MVP: variants seen among roughly 807,000 people sequenced by gnomAD.
MVP encodes lung resistance-related protein.
A neutral mutation model predicts 83.5 loss-of-function variants in MVP; 62 were observed. That is an observed-to-expected ratio of 0.74 (90% CI 0.61 to 0.92). The LOEUF (loss-of-function observed/expected upper bound fraction) is 0.92. Ranked by LOEUF, MVP falls within the 40% of genes least tolerant of loss-of-function variation. MVP has a pLI of 0.00. For synonymous variants in MVP, 505 were observed against 504.1 expected, an observed-to-expected ratio of 1.00 and a Z score of -0.02; for missense variants, 1,000 against 1,203.4, an observed-to-expected ratio of 0.83 and a Z score of 2.50.
In MVP at chr16:29,846,188, G is replaced by A. The variant is rs1261534158; in HGVS notation, c.2169G>A (p.Lys723=). Residue 723 remains lysine, a synonymous_variant, in exon 13 of 15, where the codon AAG becomes AAA. Coordinates refer to ENST00000357402, the MANE Select transcript of MVP (RefSeq NM_005115.5). ...SMAVESTGTA[K]AEAESRAEAA... ...CCGTGGAGAGCACCGGGACTGCCAA[G>A]GCGGAGGCCGAGTCCCGTGCGGAGG... 1 of 1,609,282 alleles carries A rather than the reference G, an allele frequency of 6.2e-7. No individual in the cohort carries two copies. The highest frequency in any genetic ancestry group is 8.5e-7 in the Non-Finnish European group (1 of 1,177,940).
chr16:29,822,192 T>G (rs1273127485), intron 1 of MVP, among the ~76,000 whole-genome samples: 1 of 151,534 alleles, frequency 6.6e-6, no homozygotes, highest in Non-Finnish European at 1.5e-5. Flanking sequence ...CTGGGGTCGC[T>G]TCTGATCTAG....
chr16:29,847,903 C>T lies in MVP; in HGVS notation c.2596C>T (p.Pro866Ser). 1.2e-6 allele frequency: 2 copies of T among 1,613,966 alleles called. No homozygotes were observed. Among genetic ancestry groups the T allele is most frequent in the South Asian group, 1.1e-5 (1 of 91,084 alleles). ...QPLGRRVASGPSPGEGISPQS... is the reference protein window; with the variant it reads ...QPLGRRVASGSSPGEGISPQS... ...CCTGGGCAGAAGGGTGGCCAGTGGG[C>T]CCAGCCCTGGGGAGGGGATATCCCC... The change falls in exon 15 of 15, where the codon CCC (proline) becomes TCC (serine). Residue 866 changes from proline (P) to serine (S), a missense_variant. Coordinates refer to ENST00000357402, the MANE Select transcript of MVP (RefSeq NM_005115.5).
intron 7 of MVP, among the ~76,000 whole-genome samples, chr16:29,839,435 G>A (rs1325181912): frequency 6.6e-6 from 1 of 152,062 alleles, no homozygotes; most frequent in Non-Finnish European, 1.5e-5. Context: ...ATTGTGAATT[G>A]TATACTCTAG....
Position 29,844,919 on chromosome 16 carries a change from G to A in MVP, c.2021+40G>A, listed in dbSNP as rs1209095787. On this transcript the variant is annotated intron_variant, in intron 11 of 14. Transcript: ENST00000357402. ...GAGCTCGGCTGCCTATAATGCCCAT[G>A]GCAGGCCACTGCTGGGAACTGGATA... is the stretch of plus-strand genomic sequence containing the variant. 5.0e-5 allele frequency: 78 copies of A among 1,566,122 alleles called. 1 individual carries two copies. Among genetic ancestry groups the A allele is most frequent in the Non-Finnish European group, 6.7e-5 (78 of 1,162,844 alleles).
chr16:29,841,861 G>T lies in MVP; in HGVS notation c.1436+21G>T. The stretch of plus-strand genomic sequence containing the variant: ...GCCCGGTGAGTGCTGGCAGCGCAGG[G>T]TGTAGGGGGTGGCTCTCCATGGGTC... On this transcript the variant is annotated intron_variant, in intron 9 of 14. Transcript: ENST00000357402. This position sits in a 1 kb window ranked among gnomAD's most constrained non-coding sequence, Gnocchi z 4.7. 6.2e-7 allele frequency: 1 copy of T among 1,609,232 alleles called. No individual in the cohort carries two copies. The highest frequency in any genetic ancestry group is 8.5e-7 in the Non-Finnish European group (1 of 1,179,886).
At chr16:29,844,157 GGGT>G (rs1282697207) in intron 10 of MVP, among the ~76,000 whole-genome samples, 2 of 152,210 alleles carry the variant, frequency 1.3e-5, no homozygotes, top group Non-Finnish European at 2.9e-5. Context: ...TGTAAAATGG[GGGT>G]GGTGATCATT....
At chr16:29,843,538 A>AAGGG (rs2067552376) in intron 10 of MVP, among the ~76,000 whole-genome samples, 2 of 18,834 alleles carry the variant, frequency 1.1e-4, no homozygotes, top group Non-Finnish European at 2.0e-4. Context: ...GGAAGGGAGG[A>AAGGG]AGGGAGGAAG....
Position 29,833,803 on chromosome 16 carries a change from A to T in MVP, c.392A>T (p.Asp131Val), listed in dbSNP as rs1236073486. The T allele has an allele frequency of 6.2e-7, 1 of 1,613,998 alleles. No homozygotes were observed. The highest frequency in any genetic ancestry group is 1.1e-5 in the South Asian group (1 of 91,076). ...LHLKALLDFE[D>V]KDGDKVVAGD... ...CTAAAGGCGCTGCTTGATTTTGAGG[A>T]TAAAGATGGAGACAAGGTGGTGGCA... Residue 131 changes from aspartate to valine, a missense_variant, in exon 4 of 15, where the codon GAT (aspartate) becomes GTT (valine). Asp to Val is a radical substitution (Grantham distance 152). Transcript: ENST00000357402.
At chr16:29,836,690 G>A in intron 6 of MVP, 32 bp from the exon 7 acceptor site, 1 of 1,504,936 alleles carries the variant, frequency 6.6e-7, no homozygotes. Context: ...TTGGAGGCAG[G>A]TCACTCAAAT....
intron 5 of MVP, chr16:29,834,852 A>AT (rs60147985): frequency 9.2e-4 from 116 of 126,416 alleles, no homozygotes; most frequent in Admixed American, 1.4e-3. Context: ...TGCCCAGCTA[A>AT]TTTTTTTTTT....
chr16:29,836,339 C>T (rs2067486973), intron 6 of MVP, among the ~76,000 whole-genome samples: 1 of 150,766 alleles, frequency 6.6e-6, no homozygotes, highest in African/African-American at 2.4e-5. Flanking sequence ...TTTTGGGAGG[C>T]TGAGGTGGGA....
intron 1 of MVP, among the ~76,000 whole-genome samples, chr16:29,829,454 C>CA (rs34314929): frequency 0.28 from 14,278 of 51,298 alleles, 2,010 homozygotes; most frequent in Non-Finnish European, 0.31. Context: ...GACTCCGTCT[C>CA]AAAAAAAAAA....
chr16:29,823,446 T>G (rs542712870), intron 1 of MVP, among the ~76,000 whole-genome samples: 1 of 152,180 alleles, frequency 6.6e-6, no homozygotes, highest in South Asian at 2.1e-4. Flanking sequence ...ACTTTTATTC[T>G]CACTTCACTG....
intron 6 of MVP, among the ~76,000 whole-genome samples, chr16:29,836,183 G>A (rs551687312): frequency 1.3e-5 from 2 of 150,816 alleles, no homozygotes; most frequent in South Asian, 2.1e-4. Flanking sequence ...CAGGAGAATC[G>A]CTTGAACCCC....
chr16:29,835,812 G>A lies in MVP; in HGVS notation c.672+14G>A. 1 of 1,612,064 alleles carries A rather than the reference G, an allele frequency of 6.2e-7. No homozygotes were observed. Among genetic ancestry groups the A allele is most frequent in the Non-Finnish European group, 8.5e-7 (1 of 1,179,042 alleles). ...CTTACGGAAAAGGTTGGTGCTCTGG[G>A]GGCTGTGGTTTAAGGGACCTGGGGC... On this transcript the variant is annotated intron_variant, in intron 6 of 14. Transcript: ENST00000357402.
At chr16:29,840,543 C>T in intron 8 of MVP, 84 bp downstream of exon 8, 1 of 1,455,106 alleles carries the variant, frequency 6.9e-7, no homozygotes, top group African/African-American at 1.4e-5. Context: ...AAGAGGTGGG[C>T]AGGGACTTCA....
chr16:29,842,141 C>T, intron 10 of MVP, 29 bp downstream of exon 10: 1 of 1,564,740 alleles, frequency 6.4e-7, no homozygotes, highest in Non-Finnish European at 8.6e-7. Flanking sequence ...CATGGGGGTG[C>T]ATTCCTGGAA....
intron 11 of MVP, among the ~76,000 whole-genome samples, 155 bp from the exon 12 acceptor site, chr16:29,845,708 C>A (rs993062451): frequency 6.6e-6 from 1 of 152,160 alleles, no homozygotes; most frequent in Non-Finnish European, 1.5e-5. Flanking sequence ...TGGCTTGTGG[C>A]GCGTATACCA....
At chr16:29,837,082 C>A in intron 7 of MVP, 124 bp downstream of exon 7, 1 of 876,338 alleles carries the variant, frequency 1.1e-6, no homozygotes, top group Non-Finnish European at 1.7e-6. Context: ...CCTTTGCATG[C>A]TTAGTTCTTA....
Sources: gnomAD v4.1 joint callset for allele counts (sites outside exome capture counted in the v4.1 genomes callset) on GRCh38, gnomAD v4.1.1 for gene constraint, Gnocchi (gnomAD v3.1) non-coding constraint, MANE v1.5 for transcripts, NCBI Gene and HGNC (gene_info 2026-07-23, HGNC 2026-07-21) for gene names.